Variants in CSMD1 observed in about 807,000 individuals in gnomAD.
CSMD1 encodes the protein CUB and Sushi multiple domains 1, also known as CUB and sushi domain-containing protein 1.
In CSMD1, 213 loss-of-function variants were observed where a neutral mutation model predicts 417.5. That is an observed-to-expected ratio of 0.51 (90% CI 0.46 to 0.57). CSMD1 has a LOEUF of 0.57. Ranked by LOEUF, CSMD1 falls within the 20% of genes least tolerant of loss-of-function variation. The probability of loss-of-function intolerance (pLI) is 0.00; values close to 1 mark genes in which losing one functional copy is unlikely to be tolerated. For missense variants in CSMD1, 6,923 were observed against 4,529.7 expected (o/e 1.53, Z -15.17); for synonymous variants, 2,862 against 1,736.8 (o/e 1.65, Z -16.11).
At chr8:3,502,949 T>C (rs1796668879) in intron 10 of CSMD1, among the ~76,000 whole-genome samples, 1 of 152,082 alleles carries the variant, frequency 6.6e-6, no homozygotes, top group African/African-American at 2.4e-5. Context: ...GCTGAAAGCA[T>C]CTGGTGAGGA....
intron 2 of CSMD1, among the ~76,000 whole-genome samples, chr8:4,448,652 A>G (rs1471461585): frequency 1.3e-5 from 2 of 152,308 alleles, no homozygotes; most frequent in Non-Finnish European, 2.9e-5. Flanking sequence ...TCACCAACAT[A>G]TGTCAACATC....
At chr8:4,593,456 C>T (rs1800090990) in intron 2 of CSMD1, among the ~76,000 whole-genome samples, 1 of 152,028 alleles carries the variant, frequency 6.6e-6, no homozygotes, top group Non-Finnish European at 1.5e-5. Flanking sequence ...AGGAGAATGG[C>T]CATTTAGTGA....
chr8:3,400,101 G>A (rs1190036401), intron 15 of CSMD1, among the ~76,000 whole-genome samples: 2 of 152,170 alleles, frequency 1.3e-5, no homozygotes, highest in South Asian at 4.1e-4. Flanking sequence ...GCAAGGTTTT[G>A]TGACAGTGAT....
At chr8:3,721,070 G>A (rs1326924069) in intron 6 of CSMD1, among the ~76,000 whole-genome samples, 3 of 151,998 alleles carry the variant, frequency 2.0e-5, no homozygotes, top group Admixed American at 1.3e-4. Flanking sequence ...TGATCTGCCC[G>A]CCTCGGCCTC....
intron 11 of CSMD1, among the ~76,000 whole-genome samples, chr8:3,483,071 C>T (rs894234904): frequency 6.6e-6 from 1 of 151,870 alleles, no homozygotes; most frequent in African/African-American, 2.4e-5. Context: ...AAGATTCTAG[C>T]ATAAGTAATG....
At chr8:3,504,695 A>G (rs1486713044) in intron 10 of CSMD1, among the ~76,000 whole-genome samples, 1 of 152,186 alleles carries the variant, frequency 6.6e-6, no homozygotes, top group Non-Finnish European at 1.5e-5. Context: ...AATTCCCGGC[A>G]AATTTTATCA....
At chr8:3,814,399 G>C (rs1309645282) in intron 5 of CSMD1, among the ~76,000 whole-genome samples, 1 of 152,172 alleles carries the variant, frequency 6.6e-6, no homozygotes, top group Non-Finnish European at 1.5e-5. Context: ...ATATCAGGGA[G>C]TAAACTTAAA....
intron 26 of CSMD1, among the ~76,000 whole-genome samples, chr8:3,266,503 G>C (rs948654644): frequency 1.3e-5 from 2 of 151,246 alleles, no homozygotes; most frequent in Non-Finnish European, 2.9e-5. Context: ...CTACTTGGGA[G>C]GCTGAGGCAG....
At chr8:4,303,790 G>C (rs1463257935) in intron 3 of CSMD1, among the ~76,000 whole-genome samples, 3 of 151,848 alleles carry the variant, frequency 2.0e-5, no homozygotes, top group Non-Finnish European at 4.4e-5. Context: ...TGAGTAGCTG[G>C]GACTACAGGC....
intron 3 of CSMD1, among the ~76,000 whole-genome samples, chr8:4,160,279 A>G (rs746846930): frequency 4.6e-5 from 7 of 152,140 alleles, no homozygotes; most frequent in African/African-American, 9.7e-5. Flanking sequence ...TGATTCTTGG[A>G]AAGTACTGAA....
chr8:3,665,532 G>C (rs974796681), intron 7 of CSMD1, among the ~76,000 whole-genome samples: 1 of 151,872 alleles, frequency 6.6e-6, no homozygotes, highest in African/African-American at 2.4e-5. Flanking sequence ...CCATCTCAAA[G>C]ATATATATAT....
chr8:2,994,738 T>A (rs1248988174), intron 54 of CSMD1, among the ~76,000 whole-genome samples: 1 of 152,190 alleles, frequency 6.6e-6, no homozygotes, highest in African/African-American at 2.4e-5. Flanking sequence ...TTTATAGACA[T>A]CTTTATCATT....
At chr8:4,587,762 T>G (rs915284590) in intron 2 of CSMD1, among the ~76,000 whole-genome samples, 1 of 152,220 alleles carries the variant, frequency 6.6e-6, no homozygotes, top group Admixed American at 6.5e-5. Context: ...TTATAGTAGA[T>G]GCTAACACAA....
intron 54 of CSMD1, among the ~76,000 whole-genome samples, chr8:2,979,767 A>T (rs753975158): frequency 6.6e-6 from 1 of 152,228 alleles, no homozygotes; most frequent in Non-Finnish European, 1.5e-5. Flanking sequence ...ATAATGTTCT[A>T]TGCTTCCTAA....
intron 18 of CSMD1, among the ~76,000 whole-genome samples, chr8:3,372,774 G>A (rs919927997): frequency 2.0e-5 from 3 of 152,132 alleles, no homozygotes; most frequent in Non-Finnish European, 4.4e-5. Context: ...AGGTTACATA[G>A]GTCTGGAGGC....
At chr8:3,861,100 C>T (rs529841593) in intron 5 of CSMD1, among the ~76,000 whole-genome samples, 6 of 152,222 alleles carry the variant, frequency 3.9e-5, no homozygotes, top group South Asian at 4.1e-4. Flanking sequence ...CTAGTGAGCT[C>T]GAAAACAGGA....
chr8:4,742,346 A>C (rs2617048), intron 1 of CSMD1, among the ~76,000 whole-genome samples: 18,215 of 151,638 alleles, frequency 0.12, 1,217 homozygotes, highest in East Asian at 0.29. Context: ...GAATTTTGAG[A>C]AGCACATCTC....
intron 1 of CSMD1, among the ~76,000 whole-genome samples, chr8:4,640,552 AG>A (rs1278952009): frequency 6.6e-6 from 1 of 152,220 alleles, no homozygotes; most frequent in Non-Finnish European, 1.5e-5. Flanking sequence ...TGCCTACTAT[AG>A]AGTATGCACA....
At chr8:3,168,689 T>C (rs1585539307) in intron 37 of CSMD1, among the ~76,000 whole-genome samples, 3 of 151,738 alleles carry the variant, frequency 2.0e-5, no homozygotes, top group South Asian at 2.1e-4. Context: ...ATTAATAACA[T>C]AGTACCTTAT....
Sources: allele counts gnomAD v4.1 joint callset (sites outside exome capture counted in the v4.1 genomes callset), GRCh38; gene constraint gnomAD v4.1.1; transcripts MANE v1.5; gene names NCBI Gene and HGNC (gene_info 2026-07-23, HGNC 2026-07-21).